The following OR3A2 variants were observed in gnomAD, a reference collection of about 807,000 sequenced individuals.
OR3A2 encodes olfactory receptor family 3 subfamily A member 2.
For missense variants in OR3A2, 318 were observed against 392.8 expected (o/e 0.81, Z 1.61); for synonymous variants, 126 against 159.3 (o/e 0.79, Z 1.57).
At chr17:3,361,739 A>G (rs2049518594) in intron 2 of OR3A2, among the ~76,000 whole-genome samples, 1 of 151,554 alleles carries the variant, frequency 6.6e-6, no homozygotes, top group Non-Finnish European at 1.5e-5. Context: ...TGTATGTTGA[A>G]CCAGCCTTGC....
chr17:3,377,211 A>T (rs1366992693), intron 2 of OR3A2, among the ~76,000 whole-genome samples: 1 of 152,198 alleles, frequency 6.6e-6, no homozygotes, highest in Non-Finnish European at 1.5e-5. Flanking sequence ...TGTTCTGTCC[A>T]ACCAAGGGGG....
chr17:3,351,607 C>G (rs1358084312), intron 2 of OR3A2, among the ~76,000 whole-genome samples: 7 of 134,692 alleles, frequency 5.2e-5, no homozygotes, highest in Admixed American at 7.9e-5. Context: ...GCCATACTGC[C>G]CAAGGTAATT....
chr17:3,349,190 T>G (rs230455), intron 2 of OR3A2, among the ~76,000 whole-genome samples: 3 of 151,958 alleles, frequency 2.0e-5, no homozygotes, highest in Admixed American at 6.6e-5. Context: ...AATATTAACT[T>G]TAAATGTAAA....
intron 3 of OR3A2, among the ~76,000 whole-genome samples, chr17:3,326,426 C>CTG (rs2049173126): frequency 6.6e-6 from 1 of 151,902 alleles, no homozygotes; most frequent in Non-Finnish European, 1.5e-5. Context: ...GTCAGGGACC[C>CTG]CAAATGGAGG....
chr17:3,372,707 G>C (rs1322302730), intron 2 of OR3A2, among the ~76,000 whole-genome samples: 1 of 151,820 alleles, frequency 6.6e-6, no homozygotes, highest in East Asian at 1.9e-4. Flanking sequence ...GCCTGCAATC[G>C]CAGGCACTCG....
chr17:3,311,608 T>C lies in OR3A2; in HGVS notation c.-85+24425A>G, dbSNP rs2049044872. The stretch of plus-strand genomic sequence containing the variant: ...GCAGCTGCTGCTTGTGGGGGCCACC[T>C]TCATAGGAGTGATCCCCATGATCTT... On this transcript the variant is annotated intron_variant, in intron 3 of 4. Coordinates refer to the OR3A2 transcript ENST00000573491. This position sits in a 1 kb window ranked among gnomAD's most constrained non-coding sequence, Gnocchi z 4.6. The C allele has an allele frequency of 2.6e-6, 1 of 385,576 alleles. No individual in the cohort carries two copies. The highest frequency in any genetic ancestry group is 2.1e-5 in the African/African-American group (1 of 47,808). 23.9% of individuals were successfully genotyped at this position (385,576 alleles called of 1,614,324 possible).
At chr17:3,372,120 C>T (rs2049633222) in intron 2 of OR3A2, among the ~76,000 whole-genome samples, 1 of 149,692 alleles carries the variant, frequency 6.7e-6, no homozygotes, top group African/African-American at 2.5e-5. Context: ...GGCGGCCAGG[C>T]AGAGACGCTC....
At chr17:3,326,394 T>C (rs2049172350) in intron 3 of OR3A2, among the ~76,000 whole-genome samples, 1 of 152,004 alleles carries the variant, frequency 6.6e-6, no homozygotes, top group Non-Finnish European at 1.5e-5. Context: ...AACATAGGCA[T>C]CGGCAAAGAT....
chr17:3,337,222 C>CT (rs1053215974), intron 2 of OR3A2, among the ~76,000 whole-genome samples: 2 of 152,114 alleles, frequency 1.3e-5, no homozygotes, highest in African/African-American at 4.8e-5. Flanking sequence ...AGTATATTCA[C>CT]TTTTTTGTGC....
At chr17:3,347,205 C>CT (rs2049372684) in intron 2 of OR3A2, among the ~76,000 whole-genome samples, 1 of 150,414 alleles carries the variant, frequency 6.6e-6, no homozygotes, top group Admixed American at 6.7e-5. Context: ...TGTTGAGTAC[C>CT]TTTTCATATG....
chr17:3,375,262 T>C (rs1342362756), intron 2 of OR3A2, among the ~76,000 whole-genome samples: 1 of 136,908 alleles, frequency 7.3e-6, no homozygotes, highest in Non-Finnish European at 1.6e-5. Context: ...CTTTTTGAGA[T>C]AGTCTCACTT....
chr17:3,362,284 G>C (rs2049525100), intron 2 of OR3A2, among the ~76,000 whole-genome samples: 1 of 151,374 alleles, frequency 6.6e-6, no homozygotes, highest in South Asian at 2.1e-4. Context: ...ATTTTTTATG[G>C]CATCTATTTG....
rs1231406127 is a variant in OR3A2 at position 3,367,598 on chromosome 17, T to TGG, written c.-179+16205_-179+16206insCC. 9.0e-5 allele frequency among the ~76,000 whole-genome samples: 10 copies of TGG among 111,416 alleles called. No homozygotes were observed. In the East Asian group the frequency reaches 7.5e-3, roughly 83 times the overall value. The allele number at this position is 111,416 out of a possible 152,430, so 73.1% of individuals were successfully genotyped here. Reference sequence around the variant, plus strand: ...TGGTGTATATGTATATGTGTGTGTGTGTGTATATATATATATATATATATG... The same window carrying TGG: ...TGGTGTATATGTATATGTGTGTGTGTGGGTGTATATATATATATATATATATG... On this transcript the variant is annotated intron_variant, in intron 2 of 4. Transcript: ENST00000573491.
rs191720273 is a variant in OR3A2, at chr17:3,323,382, G to T, written c.-85+12651C>A. On this transcript the variant is annotated intron_variant, in intron 3 of 4. Coordinates refer to the OR3A2 transcript ENST00000573491. ...ATTCAAAGTTAATATCGTTACGTGT[G>T]AATTTGATCTTGTCATTATGATGTC... Among the ~76,000 whole-genome samples, 8 of 152,180 alleles carry T rather than the reference G, an allele frequency of 5.3e-5. No homozygotes were observed. The South Asian group carries it at 1.7e-3, about 32-fold the overall frequency.
chr17:3,291,943 T>C (rs757012335), intron 3 of OR3A2: 4 of 1,614,080 alleles, frequency 2.5e-6, no homozygotes, highest in Admixed American at 1.7e-5. Flanking sequence ...ATGAGAGCCA[T>C]GGGGGTACCT....
intron 3 of OR3A2, among the ~76,000 whole-genome samples, chr17:3,323,666 A>C (rs1254714207): frequency 6.6e-6 from 1 of 152,044 alleles, no homozygotes; most frequent in African/African-American, 2.4e-5. Context: ...TCTTTTCCTT[A>C]AGAATGTTGA....
intron 2 of OR3A2, among the ~76,000 whole-genome samples, chr17:3,344,357 A>T (rs534866613): frequency 1.3e-5 from 2 of 152,148 alleles, no homozygotes; most frequent in African/African-American, 4.8e-5. Flanking sequence ...TCCTGTAAAT[A>T]TTCACCCTGC....
chr17:3,363,825 A>C (rs998287949), intron 2 of OR3A2, among the ~76,000 whole-genome samples: 1 of 152,232 alleles, frequency 6.6e-6, no homozygotes, highest in African/African-American at 2.4e-5. Flanking sequence ...TCATGACAGA[A>C]GGTGAAGCAG....
chr17:3,376,335 GT>G (rs2049683801), intron 2 of OR3A2, among the ~76,000 whole-genome samples: 1 of 152,160 alleles, frequency 6.6e-6, no homozygotes, highest in Non-Finnish European at 1.5e-5. Flanking sequence ...TCAGGTGACG[GT>G]TGGGGCCACA....
Sources: allele counts gnomAD v4.1 joint callset (sites outside exome capture counted in the v4.1 genomes callset), GRCh38; gene constraint gnomAD v4.1.1; non-coding constraint Gnocchi (gnomAD v3.1); transcripts MANE v1.5; gene names NCBI Gene and HGNC (gene_info 2026-07-23, HGNC 2026-07-21).